BRCA2: variants seen among roughly 807,000 people sequenced by gnomAD.
The protein encoded by BRCA2 is breast cancer type 2 susceptibility protein.
A neutral mutation model predicts 276.7 loss-of-function variants in BRCA2; 203 were observed. That is an observed-to-expected ratio of 0.73 (90% CI 0.65 to 0.82). The LOEUF (loss-of-function observed/expected upper bound fraction) is 0.82, where lower values mean the gene tolerates loss of function less well. Among genes scored for constraint, BRCA2 ranks in the 40% least tolerant of loss-of-function variants. The pLI is 0.00. For synonymous variants in BRCA2, 1,289 were observed against 1,338.4 expected (o/e 0.96, Z 0.81); for missense variants, 3,920 against 3,915.0 (o/e 1.00, Z -0.03).
At chr13:32,348,985 G>T (rs1055182329) in intron 13 of BRCA2, among the ~76,000 whole-genome samples, 1 of 152,058 alleles carries the variant, frequency 6.6e-6, no homozygotes, top group African/African-American at 2.4e-5. Context: ...ACATTGGGAG[G>T]CTGAGGTGGG....
rs864622757 is a variant in BRCA2 at position 32,340,591 on chromosome 13, T to C, written c.6236T>C (p.Val2079Ala). The C allele has an allele frequency of 6.2e-7, 1 of 1,608,050 alleles. No individual in the cohort carries two copies. Among genetic ancestry groups the C allele is most frequent in the African/African-American group, 1.3e-5 (1 of 74,412 alleles). Residue 2079 changes from valine (V) to alanine (A), a missense_variant, in exon 11 of 27, where the codon GTG becomes GCG. Val to Ala is a moderately conservative substitution (Grantham distance 64). Around this residue, in one of 2 missense-constraint regions of BRCA2, gnomAD observed 3,263 missense variants for 3,156.9 expected, o/e 1.03. Coordinates refer to ENST00000380152, the MANE Select transcript of BRCA2 (RefSeq NM_000059.4). Reference sequence around the variant, plus strand: ...AGTTCCTTACACAAAGTTAAGGGAGTGTTAGAGGAATTTGATTTAATCAGA... The same window carrying C: ...AGTTCCTTACACAAAGTTAAGGGAGCGTTAGAGGAATTTGATTTAATCAGA... Reference protein sequence around the residue: ...LESSLHKVKGVLEEFDLIRTE... With the variant: ...LESSLHKVKGALEEFDLIRTE...
intron 24 of BRCA2, among the ~76,000 whole-genome samples, chr13:32,394,486 G>T (rs1000711996): frequency 2.6e-5 from 4 of 152,188 alleles, no homozygotes; most frequent in African/African-American, 9.7e-5. Context: ...AGAATGTGTT[G>T]TCATATTGGT....
intron 18 of BRCA2, among the ~76,000 whole-genome samples, chr13:32,366,237 A>G (rs2072781017): frequency 6.6e-6 from 1 of 152,212 alleles, no homozygotes; most frequent in Admixed American, 6.5e-5. Flanking sequence ...AAGAACAACA[A>G]TAGCAACAAC....
At chr13:32,328,344 C>T (rs534087658) in intron 7 of BRCA2, among the ~76,000 whole-genome samples, 4 of 151,422 alleles carry the variant, frequency 2.6e-5, no homozygotes, top group South Asian at 2.1e-4. Flanking sequence ...TGGGTTCAGG[C>T]GATTCTCCTG....
At chr13:32,347,219 C>T (rs1299985444) in intron 13 of BRCA2, among the ~76,000 whole-genome samples, 1 of 151,988 alleles carries the variant, frequency 6.6e-6, no homozygotes, top group African/African-American at 2.4e-5. Flanking sequence ...TTTTATCTCT[C>T]CTCTCTAAAC....
intron 13 of BRCA2, among the ~76,000 whole-genome samples, chr13:32,353,886 A>G (rs1445149200): frequency 1.3e-5 from 2 of 152,232 alleles, no homozygotes; most frequent in African/African-American, 4.8e-5. Context: ...ATCAAGGTAC[A>G]GATGTCTGAT....
At position 32,362,556 on chromosome 13, in the gene BRCA2, GCTTA is replaced by G. The variant is rs2072745144; in HGVS notation, c.7840_7843del (p.Leu2614PhefsTer33). 1 of 1,613,632 alleles carries G rather than the reference GCTTA, an allele frequency of 6.2e-7. No homozygotes were observed. The highest frequency in any genetic ancestry group is 1.3e-5 in the African/African-American group (1 of 74,776). ...GTGACACTCCAGGTGTGGATCCAAA[GCTTA>G]TTTCTAGAATTTGGGTTTATAATCA... On this transcript the variant is annotated frameshift_variant, in exon 17 of 27. Coordinates refer to ENST00000380152, the MANE Select transcript of BRCA2 (RefSeq NM_000059.4). LOFTEE classifies it high-confidence loss of function.
At chr13:32,384,342 C>CTGGG (rs374952844) in intron 24 of BRCA2, among the ~76,000 whole-genome samples, 16 of 152,058 alleles carry the variant, frequency 1.1e-4, no homozygotes, top group African/African-American at 3.9e-4. Flanking sequence ...GTTCCAGAGG[C>CTGGG]CCCATTGAAA....
chr13:32,398,678 T>G lies in BRCA2; in HGVS notation c.10165T>G (p.Ser3389Ala), dbSNP rs759903048. Residue 3389 changes from serine (S) to alanine (A), a missense_variant, in exon 27 of 27, where the codon TCT (serine) becomes GCT (alanine). Physicochemically the swap from Ser to Ala is moderately conservative, Grantham distance 99 (BLOSUM62 1). Transcript: ENST00000380152. Reference sequence around the variant, plus strand: ...CAGACTGAAACGACGTTGTACTACATCTCTGATCAAAGAACAGGAGAGTTC... The same window carrying G: ...CAGACTGAAACGACGTTGTACTACAGCTCTGATCAAAGAACAGGAGAGTTC... ...YLRLKRRCTT[S>A]LIKEQESSQA... The G allele has an allele frequency of 2.5e-6, 4 of 1,614,136 alleles. No homozygotes were observed.
In BRCA2 at chr13:32,332,288, A is replaced by G. The variant is rs1566222106; in HGVS notation, c.810A>G (p.Ser270=). The part of the protein sequence containing the change: ...EAASHGFGKT[S]GNSFKVNSCK... ...CTTTAACAGGATTTGGAAAAACATC[A>G]GGGAATTCATTTAAAGTAAATAGCT... Residue 270 remains serine, a synonymous_variant, in exon 10 of 27, where the codon TCA becomes TCG. Transcript: ENST00000380152. 1.2e-6 allele frequency: 2 copies of G among 1,604,174 alleles called. No individual in the cohort carries two copies. Among genetic ancestry groups the G allele is most frequent in the South Asian group, 2.2e-5 (2 of 88,944 alleles).
At chr13:32,323,949 G>A (rs1170184386) in intron 3 of BRCA2, among the ~76,000 whole-genome samples, 1 of 152,132 alleles carries the variant, frequency 6.6e-6, no homozygotes, top group Non-Finnish European at 1.5e-5. Flanking sequence ...TAGAAACTCT[G>A]AACATTATTT....
At position 32,336,541 on chromosome 13, in the gene BRCA2, T is replaced by C. The variant is rs431825296; in HGVS notation, c.2186T>C (p.Ile729Thr). The change falls in exon 11 of 27, where the codon ATA becomes ACA. Residue 729 changes from isoleucine (I) to threonine (T), a missense_variant. Physicochemically the swap from Ile to Thr is moderately conservative, Grantham distance 89. Coordinates refer to ENST00000380152, the MANE Select transcript of BRCA2 (RefSeq NM_000059.4). ...CCAAAAAGCAAAAAAGTTTCAGATATAAAAGAAGAGGTCTTGGCTGCAGCA... is the reference window on the plus strand; with the variant it reads ...CCAAAAAGCAAAAAAGTTTCAGATACAAAAGAAGAGGTCTTGGCTGCAGCA... Reference protein sequence around the residue: ...NDPKSKKVSDIKEEVLAAACH... With the variant: ...NDPKSKKVSDTKEEVLAAACH... The C allele has an allele frequency of 6.8e-6, 11 of 1,614,034 alleles. No homozygotes were observed. In the East Asian group the frequency reaches 1.6e-4, roughly 23 times the overall value.
At chr13:32,326,654 A>G (rs2137453302) in intron 7 of BRCA2, 41 bp downstream of exon 7, 1 of 1,441,130 alleles carries the variant, frequency 6.9e-7, no homozygotes, top group Non-Finnish European at 9.7e-7. Flanking sequence ...AGAGCAGATG[A>G]GGTTGATAAT....
intron 2 of BRCA2, among the ~76,000 whole-genome samples, chr13:32,317,603 A>G (rs2072273034): frequency 6.6e-6 from 1 of 152,264 alleles, no homozygotes; most frequent in South Asian, 2.1e-4. Flanking sequence ...GTTCTGAATT[A>G]TACAAAGTTT....
In BRCA2 at chr13:32,338,293, A is replaced by C. The variant is rs80358639; in HGVS notation, c.3938A>C (p.Tyr1313Ser). The change falls in exon 11 of 27, where the codon TAC becomes TCC. Residue 1313 changes from tyrosine (Y) to serine (S), a missense_variant. Coordinates refer to ENST00000380152, the MANE Select transcript of BRCA2 (RefSeq NM_000059.4). ...TTTGTTGAAGAAATTACTGAAAATT[A>C]CAAGAGAAATACTGAAAATGAAGAT... ...GTFVEEITEN[Y>S]KRNTENEDNK... is the part of the protein sequence containing the mutation. 1 of 1,577,118 alleles carries C rather than the reference A, an allele frequency of 6.3e-7. No homozygotes were observed. Among genetic ancestry groups the C allele is most frequent in the Non-Finnish European group, 8.6e-7 (1 of 1,164,086 alleles).
At chr13:32,318,300 A>G (rs1249944115) in intron 2 of BRCA2, among the ~76,000 whole-genome samples, 2 of 152,242 alleles carry the variant, frequency 1.3e-5, no homozygotes, top group African/African-American at 2.4e-5. Context: ...AATAGCTCAC[A>G]ATACAAATTT....
chr13:32,355,253 C>T lies in BRCA2; in HGVS notation c.7400C>T (p.Ala2467Val), dbSNP rs2072684279. Residue 2467 changes from alanine to valine, a missense_variant, in exon 14 of 27, where the codon GCT becomes GTT. Around this residue, in one of 2 missense-constraint regions of BRCA2, gnomAD observed 3,263 missense variants for 3,156.9 expected, o/e 1.03. Coordinates refer to ENST00000380152, the MANE Select transcript of BRCA2 (RefSeq NM_000059.4). Reference sequence around the variant, plus strand: ...AAAAACAACTCCAATCAAGCAGTAGCTGTAACTTTCACAAAGTGTGAAGAA... The same window carrying T: ...AAAAACAACTCCAATCAAGCAGTAGTTGTAACTTTCACAAAGTGTGAAGAA... ...FNKNNSNQAV[A>V]VTFTKCEEEP... 1 of 1,613,404 alleles carries T rather than the reference C, an allele frequency of 6.2e-7. No individual in the cohort carries two copies.
intron 9 of BRCA2, 70 bp from the exon 10 acceptor site, chr13:32,332,202 A>G (rs2072396409): frequency 1.4e-6 from 2 of 1,379,666 alleles, no homozygotes; most frequent in Admixed American, 4.4e-5. Flanking sequence ...TCTATGAGAA[A>G]GGTTGTGAGA....
chr13:32,316,642 A>G (rs2072263794), intron 2 of BRCA2, 115 bp downstream of exon 2: 3 of 879,916 alleles, frequency 3.4e-6, no homozygotes, highest in Admixed American at 2.2e-5. Context: ...ACTGTTCCTT[A>G]TGTGTGTATA....
Sources: gnomAD v4.1 joint callset for allele counts (sites outside exome capture counted in the v4.1 genomes callset) on GRCh38, gnomAD v4.1.1 for gene constraint, gnomAD v4.1.1 regional missense constraint, MANE v1.5 for transcripts, NCBI Gene and HGNC (gene_info 2026-07-23, HGNC 2026-07-21) for gene names.